STARD13: variants seen among roughly 807,000 people sequenced by gnomAD.
The protein encoded by STARD13 is stAR-related lipid transfer protein 13.
Under a neutral mutation model 106.4 loss-of-function variants are expected in STARD13, and 62 were observed. That is an observed-to-expected ratio of 0.58 (90% CI 0.48 to 0.72). The LOEUF is 0.72. Among genes scored for constraint, STARD13 ranks in the 30% least tolerant of loss-of-function variants. STARD13 has a pLI of 0.00. For synonymous variants in STARD13, 565 were observed against 553.0 expected, an observed-to-expected ratio of 1.02 and a Z score of -0.31; for missense variants, 1,387 against 1,424.0, an observed-to-expected ratio of 0.97 and a Z score of 0.42.
In STARD13 at chr13:33,222,043, G is replaced by A. The variant is rs559050546; in HGVS notation, c.170-54421C>T. 4.2e-4 allele frequency among the ~76,000 whole-genome samples: 64 copies of A among 152,216 alleles called. 2 individuals are homozygous for A. In the South Asian group the frequency reaches 0.011, roughly 26 times the overall value. ...GCACACCTGCAGTCCTAGCTACTCA[G>A]GAGGCTGAGACAGGAGAACTGCTTG... is the stretch of plus-strand genomic sequence containing the variant. On this transcript the variant is annotated intron_variant, in intron 1 of 13. Coordinates refer to ENST00000336934, the MANE Select transcript of STARD13 (RefSeq NM_178006.4).
chr13:33,263,956 G>C (rs774445503), intron 1 of STARD13, among the ~76,000 whole-genome samples: 1 of 152,216 alleles, frequency 6.6e-6, no homozygotes, highest in South Asian at 2.1e-4. Context: ...AAAAAGTGAA[G>C]AGGCAACTTC....
At chr13:33,163,053 C>G (rs1016110659) in intron 3 of STARD13, among the ~76,000 whole-genome samples, 1 of 152,034 alleles carries the variant, frequency 6.6e-6, no homozygotes, top group Non-Finnish European at 1.5e-5. Context: ...TGGCGGGAGG[C>G]AAAAGGCCCT....
the STARD13 span, among the ~76,000 whole-genome samples, chr13:33,421,901 C>T: frequency 6.6e-6 from 1 of 152,184 alleles, no homozygotes; most frequent in East Asian, 1.9e-4. Flanking sequence ...AACTTCCCTT[C>T]ATGCTAAAAA....
the STARD13 span, among the ~76,000 whole-genome samples, chr13:33,502,765 G>A: frequency 7.9e-5 from 12 of 152,286 alleles, no homozygotes; most frequent in South Asian, 2.1e-4. Flanking sequence ...AGTTTTTGAT[G>A]TGCTGCTAGA....
upstream of STARD13, among the ~76,000 whole-genome samples, chr13:33,351,391 T>C (rs9597275): frequency 2.3e-3 from 345 of 152,296 alleles, 1 homozygote; most frequent in African/African-American, 7.8e-3. Flanking sequence ...AGTTAGAAAT[T>C]AACTCTGATT....
intron 1 of STARD13, among the ~76,000 whole-genome samples, chr13:33,259,734 G>A (rs1890542890): frequency 1.3e-5 from 2 of 152,088 alleles, no homozygotes; most frequent in African/African-American, 4.8e-5. Context: ...TGAACTGAAA[G>A]CAAATTAAAA....
chr13:33,204,780 G>A (rs182237394), intron 1 of STARD13, among the ~76,000 whole-genome samples: 4 of 152,312 alleles, frequency 2.6e-5, no homozygotes, highest in East Asian at 3.9e-4. Context: ...GATTCCAGAC[G>A]TTGGCCTGTG....
intron 7 of STARD13, 44 bp from the exon 8 acceptor site, chr13:33,118,307 T>C: frequency 6.4e-7 from 1 of 1,558,010 alleles, no homozygotes; most frequent in South Asian, 1.1e-5. Flanking sequence ...CCACACTTGG[T>C]TGTGAGGAGG....
the STARD13 span, among the ~76,000 whole-genome samples, chr13:33,671,619 A>G: frequency 6.6e-6 from 1 of 152,094 alleles, no homozygotes; most frequent in Non-Finnish European, 1.5e-5. Context: ...ATTCCCAGCT[A>G]CTTTGGAGGC....
At chr13:33,321,621 T>A (rs566253430) in intron 1 of STARD13, among the ~76,000 whole-genome samples, 27 of 152,348 alleles carry the variant, frequency 1.8e-4, no homozygotes, top group Non-Finnish European at 3.5e-4. Flanking sequence ...AAAATGATTA[T>A]TAACTCCATT....
the STARD13 span, among the ~76,000 whole-genome samples, chr13:33,499,646 C>CG: frequency 7.7e-6 from 1 of 129,848 alleles, no homozygotes; most frequent in African/African-American, 3.3e-5. Flanking sequence ...TCTTCTTCTT[C>CG]TCCTTCTTCT....
chr13:33,106,687 C>T lies in STARD13; in HGVS notation c.3224+71G>A, dbSNP rs192149258. On this transcript the variant is annotated intron_variant, in intron 13 of 13. Transcript: ENST00000336934. ...GTGAAATAAGAAATCAGGGTGACAT[C>T]CCTGCTGGATGTGCTGTACAAGCTG... 2.9e-5 allele frequency: 40 copies of T among 1,378,812 alleles called. No individual in the cohort carries two copies. The East Asian group carries it at 9.4e-4, about 32-fold the overall frequency. 85.4% of individuals were successfully genotyped at this position (1,378,812 alleles called of 1,614,324 possible).
chr13:33,150,532 T>C (rs9527139), intron 3 of STARD13, among the ~76,000 whole-genome samples: 58,646 of 151,964 alleles, frequency 0.39, 11,465 homozygotes, highest in South Asian at 0.53. Context: ...TTAAGAAAAA[T>C]TTTAGGAAGG....
At chr13:33,455,460 G>A in the STARD13 span, among the ~76,000 whole-genome samples, 8 of 152,296 alleles carry the variant, frequency 5.3e-5, 1 homozygote, top group East Asian at 1.2e-3. Context: ...AAGGACAGAA[G>A]GGAATAATCA....
chr13:33,276,534 G>A (rs950069493), intron 1 of STARD13: 7 of 152,112 alleles, frequency 4.6e-5, no homozygotes, highest in Non-Finnish European at 1.0e-4. Context: ...AGAGGAAAAT[G>A]TGATTTTATG....
At chr13:33,229,900 A>G (rs1346113927) in intron 1 of STARD13, among the ~76,000 whole-genome samples, 2 of 152,194 alleles carry the variant, frequency 1.3e-5, no homozygotes, top group Non-Finnish European at 2.9e-5. Flanking sequence ...TGGGTTCACA[A>G]TTTGCAGGCT....
At chr13:33,139,096 C>T (rs1436607210) in intron 4 of STARD13, among the ~76,000 whole-genome samples, 1 of 152,196 alleles carries the variant, frequency 6.6e-6, no homozygotes, top group Non-Finnish European at 1.5e-5. Flanking sequence ...AAATTGTGGA[C>T]TTTAGTACAG....
chr13:33,127,319 C>T, intron 6 of STARD13, 54 bp downstream of exon 6: 1 of 1,489,124 alleles, frequency 6.7e-7, no homozygotes, highest in Non-Finnish European at 8.9e-7. Flanking sequence ...CTTCTGCAAT[C>T]ACACACTTAG....
At chr13:33,614,270 CGTGTGT>C in the STARD13 span, among the ~76,000 whole-genome samples, 2 of 145,154 alleles carry the variant, frequency 1.4e-5, no homozygotes, top group Non-Finnish European at 3.0e-5. Context: ...ATACATTCTC[CGTGTGT>C]GTGTGTGTGT....
Sources: gnomAD v4.1 joint callset for allele counts (sites outside exome capture counted in the v4.1 genomes callset) on GRCh38, gnomAD v4.1.1 for gene constraint, MANE v1.5 for transcripts, NCBI Gene and HGNC (gene_info 2026-07-23, HGNC 2026-07-21) for gene names.